Variants in RABL2A observed in about 807,000 individuals in gnomAD.
The protein encoded by RABL2A is RAB, member of RAS oncogene family like 2A, also known as rab-like protein 2A.
In RABL2A, 17 loss-of-function variants were observed where a neutral mutation model predicts 30.7. The observed-to-expected ratio is 0.55, with a 90% confidence interval of 0.38 to 0.83. The LOEUF (loss-of-function observed/expected upper bound fraction) is 0.83. RABL2A is among the 40% of genes least tolerant of loss of function. RABL2A has a pLI of 0.00. For synonymous variants in RABL2A, 64 were observed against 101.8 expected (o/e 0.63, Z 2.24); for missense variants, 155 against 272.6 (o/e 0.57, Z 3.04).
At position 113,635,085 on chromosome 2, in the gene RABL2A, G is replaced by C. The variant is rs770718479; in HGVS notation, c.252G>C (p.Gln84His). 15 of 1,614,098 alleles carry C rather than the reference G, an allele frequency of 9.3e-6. No individual in the cohort carries two copies. The highest frequency in any genetic ancestry group is 1.3e-5 in the Non-Finnish European group (15 of 1,180,044). The change falls in exon 5 of 9, where the codon CAG becomes CAC. Residue 84 changes from glutamine (Q) to histidine (H), a missense_variant. Physicochemically the swap from Gln to His is conservative, Grantham distance 24. Transcript: ENST00000683472. ...FWDTAGQERFQSMHASYYHKA... is the reference protein window; with the variant it reads ...FWDTAGQERFHSMHASYYHKA... ...ACACGGCAGGCCAGGAGCGGTTCCA[G>C]AGCATGCATGCCTCCTACTACCACA...
At chr2:113,638,563 A>C (rs187510533) in intron 5 of RABL2A, 1 of 985,100 alleles carries the variant, frequency 1.0e-6, no homozygotes, top group South Asian at 4.7e-5. Flanking sequence ...CTTCTTGCTG[A>C]TATTTTAAAA....
intron 2 of RABL2A, 55 bp from the exon 3 acceptor site, chr2:113,632,860 G>A: frequency 6.2e-7 from 1 of 1,614,128 alleles, no homozygotes; most frequent in South Asian, 1.1e-5. Context: ...GAAAAAGTCT[G>A]GGACAAGGGA....
At chr2:113,638,078 C>T in intron 5 of RABL2A, 2 of 985,446 alleles carry the variant, frequency 2.0e-6, no homozygotes, top group South Asian at 9.4e-5. Flanking sequence ...GCTCTCAAAA[C>T]AAGGAACAGA....
chr2:113,630,516 C>T (rs190210359), intron 2 of RABL2A, among the ~76,000 whole-genome samples: 2 of 152,116 alleles, frequency 1.3e-5, no homozygotes, highest in African/African-American at 2.4e-5. Context: ...ATCTGAAGGG[C>T]GTCAGTTGTA....
At chr2:113,628,755 G>A (rs1484184523) in intron 2 of RABL2A, 42 bp downstream of exon 2, 1 of 1,197,042 alleles carries the variant, frequency 8.4e-7, no homozygotes, top group Non-Finnish European at 1.2e-6. Flanking sequence ...CCCCAGAGAG[G>A]GTCCAGGTCA....
chr2:113,638,093 C>T, intron 5 of RABL2A: 2 of 985,458 alleles, frequency 2.0e-6, no homozygotes, highest in Non-Finnish European at 2.4e-6. Context: ...AACAGATGCT[C>T]AGGAAACCAG....
intron 5 of RABL2A, among the ~76,000 whole-genome samples, chr2:113,636,920 CG>C (rs1683008108): frequency 6.6e-6 from 1 of 151,288 alleles, no homozygotes. Flanking sequence ...ACCCAGGAGG[CG>C]GAGCTTGCAG....
In RABL2A at chr2:113,637,934, G is replaced by A. The variant is rs551983574; in HGVS notation, c.297+2804G>A. 13 of 985,410 alleles carry A rather than the reference G, an allele frequency of 1.3e-5. No homozygotes were observed. In the East Asian group the frequency reaches 4.5e-4, roughly 34 times the overall value. 61.0% of individuals were successfully genotyped at this position (985,410 alleles called of 1,614,324 possible). A position where few individuals can be genotyped will look rare whatever the true frequency, so the allele number is the denominator to read the frequency against. On this transcript the variant is annotated intron_variant, in intron 5 of 8. Coordinates refer to ENST00000683472, the MANE Select transcript of RABL2A (RefSeq NM_001306158.2). ...TGCCACCAGCCCCAGTCTGCTGCAC[G>A]GGCCCTGGCAAGTAGAAAGCACTTG...
chr2:113,634,389 G>C (rs1190108584), intron 4 of RABL2A, 157 bp downstream of exon 4: 1 of 917,146 alleles, frequency 1.1e-6, no homozygotes, highest in African/African-American at 2.0e-5. Flanking sequence ...AGAGCCAGGA[G>C]CCAGGAGGGT....
chr2:113,640,533 G>A (rs1574114005), intron 5 of RABL2A: 3 of 303,342 alleles, frequency 9.9e-6, no homozygotes, highest in Non-Finnish European at 1.9e-5. Flanking sequence ...GCGCCACCAC[G>A]CCCAGCTAAT....
Position 113,629,659 on chromosome 2 carries a change from C to T in RABL2A, c.107+946C>T, listed in dbSNP as rs1034931048. On this transcript the variant is annotated intron_variant, in intron 2 of 8. Coordinates refer to ENST00000683472, the MANE Select transcript of RABL2A (RefSeq NM_001306158.2). ...ACACCATTCTCCTGCCACAGCCTTG[C>T]GAGTAGCTAGGACTACAGGCGCCCG... Among the ~76,000 whole-genome samples the T allele has an allele frequency of 1.3e-4, 20 of 152,108 alleles. No homozygotes were observed. In the South Asian group the frequency reaches 3.1e-3, roughly 24 times the overall value.
At position 113,636,988 on chromosome 2, in the gene RABL2A, CAAA is replaced by C. The variant is rs1288796399; in HGVS notation, c.297+1864_297+1866del. On this transcript the variant is annotated intron_variant, in intron 5 of 8. Coordinates refer to ENST00000683472, the MANE Select transcript of RABL2A (RefSeq NM_001306158.2). ...TGGGCAACAGAGCGAGACTCTGTCT[CAAA>C]AAAAATAAAAAAATAAAAAAATAAA... 5.8e-4 allele frequency among the ~76,000 whole-genome samples: 75 copies of C among 129,696 alleles called. 1 individual carries two copies. The highest frequency in any genetic ancestry group is 2.5e-3 in the African/African-American group (70 of 27,700). 85.1% of individuals were successfully genotyped at this position (129,696 alleles called of 152,430 possible). A position where few individuals can be genotyped will look rare whatever the true frequency, so the allele number is the denominator to read the frequency against.
intron 5 of RABL2A, among the ~76,000 whole-genome samples, chr2:113,636,564 A>G (rs930949118): frequency 2.6e-5 from 4 of 152,218 alleles, no homozygotes; most frequent in African/African-American, 9.6e-5. Context: ...GCCCTGGAAT[A>G]TGTGGCATCT....
In RABL2A at chr2:113,633,911, T is replaced by C. The variant is rs1177760984; in HGVS notation, c.138-242T>C. ...GTCTGTAAAATCCTGTTCTGTGTTT[T>C]ACCTCAGACTTCGATGGCCAGGACA... On this transcript the variant is annotated intron_variant, in intron 3 of 8. Transcript: ENST00000683472. 3 of 718,494 alleles carry C rather than the reference T, an allele frequency of 4.2e-6. No individual in the cohort carries two copies. In the African/African-American group the frequency reaches 5.4e-5, roughly 13 times the overall value. The allele number at this position is 718,494 out of a possible 1,614,324, so 44.5% of individuals were successfully genotyped here.
rs1358084835 is a variant in RABL2A at position 113,628,568 on chromosome 2, C to T, written c.-39C>T. ...TTCCCAGACAGTGACAATACCCTCC[C>T]CTCCCTTGGGCTGGACCCCTCTCTA... On this transcript the variant is annotated 5_prime_UTR_variant, in exon 2 of 9. Transcript: ENST00000683472. 1.5e-5 allele frequency: 17 copies of T among 1,134,254 alleles called. No homozygotes were observed. The South Asian group carries it at 2.5e-4, about 16-fold the overall frequency. 70.3% of individuals were successfully genotyped at this position (1,134,254 alleles called of 1,614,324 possible). A position where few individuals can be genotyped will look rare whatever the true frequency, so the allele number is the denominator to read the frequency against.
chr2:113,627,412 T>C lies in RABL2A; in HGVS notation c.-54+12T>C, dbSNP rs1219434820. On this transcript the variant is annotated intron_variant, in intron 1 of 8. Transcript: ENST00000683472. The stretch of plus-strand genomic sequence containing the variant: ...ACTCGGAACCGCACGTGAGGGCAAA[T>C]CCGCCCCGGTGGCTGGCTTAGCACG... The C allele has an allele frequency of 6.7e-6, 1 of 149,216 alleles. No homozygotes were observed. The highest frequency in any genetic ancestry group is 1.5e-5 in the Non-Finnish European group (1 of 67,532). 9.2% of individuals were successfully genotyped at this position (149,216 alleles called of 1,614,324 possible). A position where few individuals can be genotyped will look rare whatever the true frequency, so the allele number is the denominator to read the frequency against.
intron 2 of RABL2A, among the ~76,000 whole-genome samples, chr2:113,630,718 A>AC (rs1370623703): frequency 6.7e-6 from 1 of 148,494 alleles, no homozygotes; most frequent in South Asian, 2.1e-4. Context: ...CAGCTCCCCT[A>AC]CCCCCTGTGA....
At position 113,633,926 on chromosome 2, in the gene RABL2A, T is replaced by A. The variant is rs1401863183; in HGVS notation, c.138-227T>A. 31 of 875,622 alleles carry A rather than the reference T, an allele frequency of 3.5e-5. No homozygotes were observed. In the South Asian group the frequency reaches 5.8e-4, roughly 16 times the overall value. The allele number at this position is 875,622 out of a possible 1,614,324, so 54.2% of individuals were successfully genotyped here. On this transcript the variant is annotated intron_variant, in intron 3 of 8. Transcript: ENST00000683472. The stretch of plus-strand genomic sequence containing the variant: ...TTCTGTGTTTTACCTCAGACTTCGA[T>A]GGCCAGGACACACTCTCATCTCCTC...
chr2:113,629,770 C>G (rs1012070254), intron 2 of RABL2A, among the ~76,000 whole-genome samples: 2 of 152,098 alleles, frequency 1.3e-5, no homozygotes, highest in African/African-American at 4.8e-5. Context: ...GATCTCCTGA[C>G]CTCGTGATCC....
Sources: gnomAD v4.1 joint callset for allele counts (sites outside exome capture counted in the v4.1 genomes callset) on GRCh38, gnomAD v4.1.1 for gene constraint, MANE v1.5 for transcripts, NCBI Gene and HGNC (gene_info 2026-07-23, HGNC 2026-07-21) for gene names.